Variants in POMGNT1 observed in about 807,000 individuals in gnomAD.
POMGNT1 encodes protein O-linked mannose N-acetylglucosaminyltransferase 1 (beta 1,2-), also known as protein O-linked-mannose beta-1,2-N-acetylglucosaminyltransferase 1.
A neutral mutation model predicts 95.6 loss-of-function variants in POMGNT1; 67 were observed. The ratio of observed to expected loss-of-function variants is 0.70; its 90% CI spans 0.58 to 0.86. The LOEUF (loss-of-function observed/expected upper bound fraction) is 0.86, where lower values mean the gene tolerates loss of function less well. Ranked by LOEUF, POMGNT1 falls within the 40% of genes least tolerant of loss-of-function variation. The pLI is 0.00. For synonymous variants in POMGNT1, 298 were observed against 317.9 expected (o/e 0.94, Z 0.66); for missense variants, 719 against 855.2 (o/e 0.84, Z 1.99).
In POMGNT1 at chr1:46,196,324, GC is replaced by G. The variant is rs1311491257; in HGVS notation, c.355-248del. ...GACTTTCATGGCTCTTAGAGCCTCT[GC>G]TGTCTCTGCTTCATCCTGGAAGTAT... On this transcript the variant is annotated intron_variant, in intron 4 of 21. Transcript: ENST00000371984. The surrounding 1 kb of genome is among the most constrained non-coding windows in gnomAD (Gnocchi z 4.4). 3.9e-5 allele frequency among the ~76,000 whole-genome samples: 6 copies of G among 152,100 alleles called. No homozygotes were observed. The highest frequency in any genetic ancestry group is 3.3e-4 in the Admixed American group (5 of 15,272).
Position 46,197,693 on chromosome 1 carries a change from T to C in POMGNT1, c.120+9A>G. On this transcript the variant is annotated intron_variant, in intron 2 of 21. Transcript: ENST00000371984. ...CGCTCGGTGGGGAGGGTTTGGGACA[T>C]CTCTATACCTGACAGAATCTCCGCA... The C allele has an allele frequency of 6.2e-7, 1 of 1,613,890 alleles. No homozygotes were observed. The highest frequency in any genetic ancestry group is 8.5e-7 in the Non-Finnish European group (1 of 1,179,942).
At chr1:46,214,336 A>C (rs1231887793) in intron 1 of POMGNT1, among the ~76,000 whole-genome samples, 1 of 149,558 alleles carries the variant, frequency 6.7e-6, no homozygotes, top group Non-Finnish European at 1.5e-5. Flanking sequence ...ACAGAATGAC[A>C]TTCTGTCTCA....
chr1:46,189,531 G>C lies in POMGNT1; in HGVS notation c.1822C>G (p.His608Asp). 2 of 1,613,242 alleles carry C rather than the reference G, an allele frequency of 1.2e-6. No individual in the cohort carries two copies. Among genetic ancestry groups the C allele is most frequent in the Non-Finnish European group, 8.5e-7 (1 of 1,179,642 alleles). ...HIWDLDVRGN[H>D]RGLWRLFRKK... Reference sequence around the variant, plus strand: ...CGAAACAATCTCCACAGGCCCCGATGGTTGCCACGCACATCCAGGTCCCAG... The same window carrying C: ...CGAAACAATCTCCACAGGCCCCGATCGTTGCCACGCACATCCAGGTCCCAG... Residue 608 changes from histidine (H) to aspartate (D), a missense_variant, in exon 21 of 22, where the codon CAT becomes GAT. His to Asp is a moderately conservative substitution (Grantham distance 81). Around this residue, in one of 5 missense-constraint regions of POMGNT1, gnomAD observed 130 missense variants for 149.2 expected, o/e 0.87. Transcript: ENST00000371984.
chr1:46,200,246 C>T (rs1301817962), upstream of POMGNT1, among the ~76,000 whole-genome samples: 2 of 152,200 alleles, frequency 1.3e-5, no homozygotes, highest in Non-Finnish European at 2.9e-5. Context: ...CTCAAACTGA[C>T]TCTTCATGGA....
intron 1 of POMGNT1, 101 bp from the exon 2 acceptor site, chr1:46,197,972 G>A (rs1202633149): frequency 6.8e-6 from 8 of 1,172,454 alleles, no homozygotes; most frequent in African/African-American, 3.1e-5. Context: ...TTCCCTGCAA[G>A]CACCCATACT....
chr1:46,193,129 T>G, intron 13 of POMGNT1, 45 bp downstream of exon 13: 1 of 1,613,064 alleles, frequency 6.2e-7, no homozygotes, highest in Non-Finnish European at 8.5e-7. Flanking sequence ...CTTATGCCCA[T>G]GTTTCCCCCC....
chr1:46,203,447 C>A, intron 1 of POMGNT1: 1 of 1,488,804 alleles, frequency 6.7e-7, no homozygotes. Context: ...CCGTGGAGTC[C>A]CAGACGCCTG....
chr1:46,193,131 T>C (rs752790179), intron 13 of POMGNT1, 43 bp downstream of exon 13: 4 of 1,613,396 alleles, frequency 2.5e-6, no homozygotes, highest in Non-Finnish European at 3.4e-6. Context: ...TATGCCCATG[T>C]TTCCCCCCTC....
chr1:46,189,347 GC>G lies in POMGNT1; in HGVS notation c.1905del (p.Lys635AsnfsTer58), dbSNP rs1553162601. On this transcript the variant is annotated frameshift_variant, in exon 22 of 22. Coordinates refer to ENST00000371984, the MANE Select transcript of POMGNT1 (RefSeq NM_017739.4). LOFTEE classifies it high-confidence loss of function. The stretch of plus-strand genomic sequence containing the variant: ...AGGAAAATTGGGGTGACTGAGGGTG[GC>G]TTCTTCACTCTGGGAAAATAATACA... ...GVPASPYSVK[K>X]PPSVTPIFLE... The G allele has an allele frequency of 1.9e-6, 3 of 1,613,874 alleles. No homozygotes were observed. The highest frequency in any genetic ancestry group is 2.5e-6 in the Non-Finnish European group (3 of 1,180,024).
chr1:46,196,811 C>T lies in POMGNT1; in HGVS notation c.274G>A (p.Gly92Ser). 6.2e-7 allele frequency: 1 copy of T among 1,614,226 alleles called. No individual in the cohort carries two copies. Among genetic ancestry groups the T allele is most frequent in the Non-Finnish European group, 8.5e-7 (1 of 1,180,044 alleles). ...TCCAGGACCCGCCGGGGACCACTGC[C>T]TCTGCGCCGTGGGGGCTCCAGGCGG... ...LGRLEPPRRR[G>S]SGPRRVLDVE... The change falls in exon 4 of 22, where the codon GGC becomes AGC. Residue 92 changes from glycine to serine, a missense_variant. Gly to Ser is a moderately conservative substitution (Grantham distance 56). Coordinates refer to ENST00000371984, the MANE Select transcript of POMGNT1 (RefSeq NM_017739.4). This position sits in a 1 kb window ranked among gnomAD's most constrained non-coding sequence, Gnocchi z 4.4.
chr1:46,190,616 G>A (rs1312793683), intron 18 of POMGNT1, 99 bp from the exon 19 acceptor site: 101 of 1,530,374 alleles, frequency 6.6e-5, no homozygotes, highest in Middle Eastern at 4.3e-4. Context: ...ATCTGTAGCC[G>A]CAGGGCTGGA....
chr1:46,207,906 C>T (rs1365654587), intron 1 of POMGNT1, among the ~76,000 whole-genome samples: 2 of 151,622 alleles, frequency 1.3e-5, no homozygotes, highest in African/African-American at 2.4e-5. Flanking sequence ...TCGTTCTTGG[C>T]GTCCAGGCTG....
chr1:46,193,717 G>C (rs995586480), intron 10 of POMGNT1, 78 bp from the exon 11 acceptor site: 2 of 1,605,852 alleles, frequency 1.2e-6, no homozygotes, highest in African/African-American at 2.7e-5. Context: ...GCTGGGCCCA[G>C]AGTCCCTATG....
chr1:46,197,256 T>C (rs1207903130), intron 2 of POMGNT1, 172 bp from the exon 3 acceptor site: 3 of 1,534,636 alleles, frequency 2.0e-6, no homozygotes, highest in Admixed American at 3.9e-5. Flanking sequence ...CACAGCCACT[T>C]TCCCCAGGGA....
upstream of POMGNT1, among the ~76,000 whole-genome samples, chr1:46,202,920 GGTGT>G (rs10689850): frequency 1.1e-3 from 70 of 64,490 alleles, no homozygotes; most frequent in African/African-American, 2.7e-3. Context: ...GGGGGGGGGT[GGTGT>G]GTGTGTGTGT....
intron 2 of POMGNT1, 171 bp from the exon 3 acceptor site, chr1:46,197,255 T>C (rs1287954575): frequency 6.5e-7 from 1 of 1,535,946 alleles, no homozygotes; most frequent in Non-Finnish European, 8.7e-7. Context: ...TCACAGCCAC[T>C]TTCCCCAGGG....
intron 1 of POMGNT1, among the ~76,000 whole-genome samples, chr1:46,212,489 G>T (rs987133894): frequency 6.6e-6 from 1 of 151,940 alleles, no homozygotes; most frequent in East Asian, 1.9e-4. Context: ...CACCGTGTTA[G>T]CCAGGATGGT....
intron 2 of POMGNT1, 145 bp downstream of exon 2, chr1:46,197,557 G>A (rs1018275180): frequency 2.7e-5 from 42 of 1,555,510 alleles, no homozygotes; most frequent in Non-Finnish European, 3.3e-5. Context: ...TACCTATAGG[G>A]ACATGACACA....
chr1:46,197,198 C>T (rs867912362), intron 2 of POMGNT1, 114 bp from the exon 3 acceptor site: 322 of 1,598,382 alleles, frequency 2.0e-4, no homozygotes, highest in Middle Eastern at 1.5e-3. Flanking sequence ...TGGGTCCTGT[C>T]CCTTCCTCTG....
Sources: allele counts gnomAD v4.1 joint callset (sites outside exome capture counted in the v4.1 genomes callset), GRCh38; gene constraint gnomAD v4.1.1; regional missense constraint gnomAD v4.1.1; non-coding constraint Gnocchi (gnomAD v3.1); transcripts MANE v1.5; gene names NCBI Gene and HGNC (gene_info 2026-07-23, HGNC 2026-07-21).